CLCN4: variants seen among roughly 807,000 people sequenced by gnomAD.
CLCN4 encodes the protein Cl-/H+ antiporter 4, also known as H(+)/Cl(-) exchange transporter 4.
In CLCN4, 1 loss-of-function variant was observed where a neutral mutation model predicts 41.7. That is an observed-to-expected ratio of 0.02 (90% confidence interval 0.01 to 0.11). CLCN4 has a LOEUF of 0.11. Ranked by LOEUF, CLCN4 falls within the 10% of genes least tolerant of loss-of-function variation. The probability of loss-of-function intolerance (pLI) is 1.00; values close to 1 mark genes in which losing one functional copy is unlikely to be tolerated. For synonymous variants in CLCN4, 277 were observed against 285.8 expected (o/e 0.97, Z 0.31); for missense variants, 287 against 661.0 (o/e 0.43, Z 6.20).
At chrX:10,200,209 T>G (rs1256739022) in intron 6 of CLCN4, among the ~76,000 whole-genome samples, 1 of 111,590 alleles carries the variant, frequency 9.0e-6, no homozygotes, top group Non-Finnish European at 1.9e-5. Flanking sequence ...TGTATTTTTT[T>G]GTAGGTTTTT....
chrX:10,161,977 C>T (rs757817611), intron 2 of CLCN4, among the ~76,000 whole-genome samples: 3 of 103,724 alleles, frequency 2.9e-5, no homozygotes, highest in South Asian at 9.3e-4. Flanking sequence ...AGGGTGTGAG[C>T]GGGCTCGGAG....
intron 2 of CLCN4, among the ~76,000 whole-genome samples, chrX:10,160,657 G>A (rs1923070588): frequency 8.9e-6 from 1 of 111,761 alleles, no homozygotes; most frequent in Admixed American, 9.5e-5. Flanking sequence ...GACGTGGTGA[G>A]GACGAGAGGG....
chrX:10,185,024 G>A lies in CLCN4; in HGVS notation c.-9G>A, dbSNP rs929251742. 3.4e-6 allele frequency: 4 copies of A among 1,190,315 alleles called. No individual in the cohort carries two copies. The highest frequency in any genetic ancestry group is 1.8e-5 in the African/African-American group (1 of 56,606). On this transcript the variant is annotated splice_region_variant and 5_prime_UTR_variant, in exon 3 of 13. Transcript: ENST00000380833. ...TAACGACCGGTTTTCTTGCCCAGGT[G>A]TAATTAGCATGGTCAATGCGGGAGC...
chrX:10,207,551 GTTTT>G (rs201161376), intron 8 of CLCN4, among the ~76,000 whole-genome samples: 1,551 of 112,225 alleles, frequency 0.014, 19 homozygotes, highest in Admixed American at 0.066. Flanking sequence ...GAATTTTATG[GTTTT>G]CACATGTCAC....
intron 2 of CLCN4, among the ~76,000 whole-genome samples, chrX:10,173,921 T>C (rs1923450206): frequency 8.9e-6 from 1 of 112,250 alleles, no homozygotes; most frequent in Admixed American, 9.4e-5. Context: ...AACTTGCCAC[T>C]GTGGTCATTT....
intron 6 of CLCN4, among the ~76,000 whole-genome samples, 155 bp from the exon 7 acceptor site, chrX:10,206,203 T>C (rs1924383777): frequency 1.8e-5 from 2 of 112,460 alleles, no homozygotes; most frequent in Admixed American, 1.9e-4. Context: ...TCAGTTAATA[T>C]AAAATTATAG....
At position 10,158,579 on chromosome X, in the gene CLCN4, C is replaced by T. The variant is rs1173840139; in HGVS notation, c.-12+28C>T. ...AAGGGGCGCGCGGCGCCTGGATGCC[C>T]TCCCCGGCGCCCCCGGCAGCGCGGA... On this transcript the variant is annotated intron_variant, in intron 2 of 12. Coordinates refer to ENST00000380833, the MANE Select transcript of CLCN4 (RefSeq NM_001830.4). 1.4e-5 allele frequency: 4 copies of T among 286,901 alleles called. No homozygotes were observed. The East Asian group carries it at 2.0e-4, about 14-fold the overall frequency. The allele number at this position is 286,901 out of a possible 1,213,427, so 23.6% of individuals were successfully genotyped here. A position where few individuals can be genotyped will look rare whatever the true frequency, so the allele number is the denominator to read the frequency against.
At chrX:10,158,266 T>C (rs1218829237) in intron 1 of CLCN4, 23 bp from the exon 2 acceptor site, 1 of 289,521 alleles carries the variant, frequency 3.5e-6, no homozygotes, top group Non-Finnish European at 6.0e-6. Context: ...CTGTGTGTTG[T>C]TTTTCATAAT....
intron 4 of CLCN4, among the ~76,000 whole-genome samples, chrX:10,192,665 G>A (rs1259008963): frequency 8.9e-6 from 1 of 111,919 alleles, no homozygotes; most frequent in African/African-American, 3.3e-5. Context: ...TTTCCACAGG[G>A]GAGTGGCACA....
chrX:10,164,768 A>G lies in CLCN4; in HGVS notation c.-12+6217A>G, dbSNP rs1264574455. ...CTCATGCATCCGGCTCAGTCGCAGCATCACCTTTGATGGGCGGTGGCCTCC... is the reference window on the plus strand; with the variant it reads ...CTCATGCATCCGGCTCAGTCGCAGCGTCACCTTTGATGGGCGGTGGCCTCC... On this transcript the variant is annotated intron_variant, in intron 2 of 12. Coordinates refer to ENST00000380833, the MANE Select transcript of CLCN4 (RefSeq NM_001830.4). Among the ~76,000 whole-genome samples, 9 of 112,254 alleles carry G rather than the reference A, an allele frequency of 8.0e-5. No individual in the cohort carries two copies. The East Asian group carries it at 2.2e-3, about 28-fold the overall frequency.
intron 2 of CLCN4, among the ~76,000 whole-genome samples, chrX:10,164,374 G>A (rs1923191098): frequency 8.9e-6 from 1 of 111,783 alleles, no homozygotes; most frequent in Non-Finnish European, 1.9e-5. Flanking sequence ...GGGCGCAGGG[G>A]GCAGGCCATC....
At chrX:10,229,854 T>C (rs1377058431) in intron 12 of CLCN4, among the ~76,000 whole-genome samples, 1 of 112,226 alleles carries the variant, frequency 8.9e-6, no homozygotes, top group Non-Finnish European at 1.9e-5. Flanking sequence ...GCAATAAACA[T>C]ACATGTGCAT....
At chrX:10,229,163 A>AG (rs920139877) in intron 12 of CLCN4, among the ~76,000 whole-genome samples, 49 of 111,129 alleles carry the variant, frequency 4.4e-4, no homozygotes, top group Non-Finnish European at 3.8e-5. Flanking sequence ...ACCGCATGGG[A>AG]GGGGGCCTCA....
chrX:10,205,897 G>A, intron 6 of CLCN4, among the ~76,000 whole-genome samples: 1 of 110,525 alleles, frequency 9.0e-6, no homozygotes, highest in East Asian at 2.8e-4. Flanking sequence ...GGGATTACAG[G>A]TGTGAGCCAC....
At chrX:10,191,456 C>A (rs1456401350) in intron 4 of CLCN4, among the ~76,000 whole-genome samples, 1 of 112,178 alleles carries the variant, frequency 8.9e-6, no homozygotes, top group East Asian at 2.8e-4. Context: ...TATTTGAGTT[C>A]TTTCTACTTT....
chrX:10,161,967 AGGGTGTGAGC>A (rs1453609500), intron 2 of CLCN4, among the ~76,000 whole-genome samples: 1 of 100,742 alleles, frequency 9.9e-6, no homozygotes, highest in African/African-American at 3.7e-5. Flanking sequence ...TGACGGTGTG[AGGGTGTGAGC>A]GGGCTCGGAG....
chrX:10,174,086 C>T (rs1244683512), intron 2 of CLCN4, among the ~76,000 whole-genome samples: 2 of 112,331 alleles, frequency 1.8e-5, no homozygotes, highest in Non-Finnish European at 3.8e-5. Flanking sequence ...CCCCTGGGGG[C>T]AGAATGGTCT....
chrX:10,158,262 G>A (rs1923000590), intron 1 of CLCN4, 27 bp from the exon 2 acceptor site: 1 of 290,470 alleles, frequency 3.4e-6, no homozygotes, highest in Non-Finnish European at 6.0e-6. Context: ...CCTCCTGTGT[G>A]TTGTTTTTCA....
Position 10,197,740 on chromosome X carries a change from C to A in CLCN4, c.433-199C>A, listed in dbSNP as rs955962987. ...ACAGCTCCCAGAGAAACACCCGCTG[C>A]TCTGTTTGTGTGTACTGACTGTAGC... is the stretch of plus-strand genomic sequence containing the variant. On this transcript the variant is annotated intron_variant, in intron 5 of 12. Transcript: ENST00000380833. 3.6e-5 allele frequency among the ~76,000 whole-genome samples: 4 copies of A among 111,645 alleles called. No homozygotes were observed. In the East Asian group the frequency reaches 1.1e-3, roughly 31 times the overall value.
Sources: gnomAD v4.1 joint callset for allele counts (sites outside exome capture counted in the v4.1 genomes callset) on GRCh38, gnomAD v4.1.1 for gene constraint, MANE v1.5 for transcripts, NCBI Gene and HGNC (gene_info 2026-07-23, HGNC 2026-07-21) for gene names.